Variants in MORC1 observed in about 807,000 individuals in gnomAD.
The protein encoded by MORC1 is MORC family CW-type zinc finger 1.
A neutral mutation model predicts 134.9 loss-of-function variants in MORC1; 59 were observed. The ratio of observed to expected loss-of-function variants is 0.44; its 90% CI spans 0.35 to 0.54. MORC1 has a LOEUF of 0.54. MORC1 is among the 20% of genes least tolerant of loss of function. MORC1 has a pLI of 0.00. For synonymous variants in MORC1, 395 were observed against 391.7 expected (o/e 1.01, Z -0.10); for missense variants, 947 against 1,134.5 (o/e 0.83, Z 2.37).
chr3:108,962,789 CA>C (rs3840213), intron 27 of MORC1, among the ~76,000 whole-genome samples: 18,507 of 152,098 alleles, frequency 0.12, 1,196 homozygotes, highest in Non-Finnish European at 0.15. Context: ...CAACCTATCA[CA>C]TAACTCAATT....
At chr3:108,973,201 T>C (rs1436712590) in intron 24 of MORC1, among the ~76,000 whole-genome samples, 1 of 152,182 alleles carries the variant, frequency 6.6e-6, no homozygotes, top group African/African-American at 2.4e-5. Flanking sequence ...TAAAACACCT[T>C]TGACCTTCAG....
chr3:109,053,169 G>C (rs900780527), intron 14 of MORC1, among the ~76,000 whole-genome samples: 20 of 151,914 alleles, frequency 1.3e-4, no homozygotes, highest in Non-Finnish European at 2.1e-4. Flanking sequence ...CACAATGTTG[G>C]TGGGAATGTA....
At chr3:109,054,695 AAGTATCTCCT>A in intron 14 of MORC1, 23 bp downstream of exon 14, 2 of 1,459,724 alleles carry the variant, frequency 1.4e-6, no homozygotes, top group Non-Finnish European at 1.8e-6. Flanking sequence ...ATCCCTCTGT[AAGTATCTCCT>A]ACTATGACTA....
intron 14 of MORC1, among the ~76,000 whole-genome samples, chr3:109,043,567 T>C (rs1029934800): frequency 2.0e-5 from 3 of 152,066 alleles, no homozygotes; most frequent in Non-Finnish European, 4.4e-5. Context: ...GTAAATTTCA[T>C]GTTATATGTA....
chr3:109,082,938 A>C (rs540642216), intron 8 of MORC1, among the ~76,000 whole-genome samples: 3 of 152,280 alleles, frequency 2.0e-5, no homozygotes, highest in Non-Finnish European at 4.4e-5. Context: ...CTCAGAAAAT[A>C]CCAAACAGAT....
At chr3:108,990,103 C>T (rs1237759502) in intron 21 of MORC1, among the ~76,000 whole-genome samples, 1 of 152,156 alleles carries the variant, frequency 6.6e-6, no homozygotes, top group Non-Finnish European at 1.5e-5. Flanking sequence ...CTCTGCCTTC[C>T]ACCACGATTG....
At chr3:108,987,241 C>T (rs1413834232) in intron 21 of MORC1, among the ~76,000 whole-genome samples, 3 of 152,164 alleles carry the variant, frequency 2.0e-5, no homozygotes, top group Non-Finnish European at 4.4e-5. Context: ...TGATATTACA[C>T]ATTGATGTAA....
intron 17 of MORC1, among the ~76,000 whole-genome samples, chr3:109,008,522 A>C (rs970875606): frequency 1.3e-5 from 2 of 151,600 alleles, no homozygotes; most frequent in African/African-American, 2.4e-5. Context: ...GCTGAGAGTA[A>C]GTTAAAGTTT....
intron 3 of MORC1, among the ~76,000 whole-genome samples, chr3:109,105,253 G>A (rs997433460): frequency 6.6e-6 from 1 of 152,106 alleles, no homozygotes; most frequent in African/African-American, 2.4e-5. Context: ...GGCTGGGCAC[G>A]GTGGCTCATG....
intron 9 of MORC1, among the ~76,000 whole-genome samples, chr3:109,065,051 A>G (rs1307618860): frequency 6.6e-6 from 1 of 152,162 alleles, no homozygotes; most frequent in African/African-American, 2.4e-5. Context: ...TCTGTAATCC[A>G]GACACTTTTC....
intron 8 of MORC1, among the ~76,000 whole-genome samples, chr3:109,081,445 G>T: frequency 7.1e-6 from 1 of 141,180 alleles, no homozygotes; most frequent in African/African-American, 2.6e-5. Flanking sequence ...GATGGTACAA[G>T]AATTAAACTT....
intron 17 of MORC1, among the ~76,000 whole-genome samples, chr3:109,016,555 G>A (rs922109534): frequency 5.3e-5 from 8 of 152,100 alleles, no homozygotes; most frequent in Non-Finnish European, 8.8e-5. Flanking sequence ...TGTCCTTGCT[G>A]GACTCTCTAC....
At chr3:109,067,101 G>A (rs1409159540) in intron 9 of MORC1, among the ~76,000 whole-genome samples, 32 of 152,072 alleles carry the variant, frequency 2.1e-4, no homozygotes, top group Admixed American at 2.1e-3. Context: ...TTCAACAAGA[G>A]AACATAGCGT....
intron 14 of MORC1, among the ~76,000 whole-genome samples, chr3:109,048,264 A>G (rs1252297185): frequency 6.6e-6 from 1 of 152,184 alleles, no homozygotes; most frequent in African/African-American, 2.4e-5. Flanking sequence ...TATGAACAAC[A>G]GACTGGATAT....
In MORC1 at chr3:109,079,929, TGAA is replaced by T. The variant is rs368610596; in HGVS notation, c.690-10175_690-10173del. Among the ~76,000 whole-genome samples the T allele has an allele frequency of 5.1e-3, 778 of 152,276 alleles. 18 individuals are homozygous for T. The highest frequency in any genetic ancestry group is 0.018 in the African/African-American group (746 of 41,556). The stretch of plus-strand genomic sequence containing the variant: ...TAACAAGAAATATACTAGAACTATA[TGAA>T]GAAGTAATAACAGCTAACAATCACT... On this transcript the variant is annotated intron_variant, in intron 8 of 27. Transcript: ENST00000232603.
At chr3:109,015,622 C>T (rs1456564391) in intron 17 of MORC1, among the ~76,000 whole-genome samples, 1 of 152,116 alleles carries the variant, frequency 6.6e-6, no homozygotes, top group Non-Finnish European at 1.5e-5. Context: ...ATTTATAGTT[C>T]TTCTAATTCT....
At chr3:109,070,434 T>G (rs1463857079) in intron 8 of MORC1, among the ~76,000 whole-genome samples, 3 of 152,194 alleles carry the variant, frequency 2.0e-5, no homozygotes. Context: ...GAAATCGCCA[T>G]GTCATTGTAT....
chr3:109,008,687 T>A (rs1948610441), intron 17 of MORC1, among the ~76,000 whole-genome samples: 1 of 150,218 alleles, frequency 6.7e-6, no homozygotes, highest in South Asian at 2.1e-4. Flanking sequence ...TTTCTTTTTT[T>A]CTGGTGACCT....
intron 6 of MORC1, 79 bp from the exon 7 acceptor site, chr3:109,095,147 C>T: frequency 7.5e-7 from 1 of 1,324,780 alleles, no homozygotes; most frequent in African/African-American, 1.5e-5. Context: ...TTTCATTCCA[C>T]TCTTCATCTA....
Sources: gnomAD v4.1 joint callset for allele counts (sites outside exome capture counted in the v4.1 genomes callset) on GRCh38, gnomAD v4.1.1 for gene constraint, MANE v1.5 for transcripts, NCBI Gene and HGNC (gene_info 2026-07-23, HGNC 2026-07-21) for gene names.